The following CDC45 variants were observed in gnomAD, a reference collection of about 807,000 sequenced individuals.
CDC45 encodes the protein cell division control protein 45 homolog.
In CDC45, 54 loss-of-function variants were observed where a neutral mutation model predicts 77.8. The ratio of observed to expected loss-of-function variants is 0.69; its 90% CI spans 0.56 to 0.87. The LOEUF is 0.87. CDC45 is among the 40% of genes least tolerant of loss of function. The pLI is 0.00. For missense variants in CDC45, 649 were observed against 721.6 expected, an observed-to-expected ratio of 0.90 and a Z score of 1.15; for synonymous variants, 260 against 272.1, an observed-to-expected ratio of 0.96 and a Z score of 0.44.
intron 5 of CDC45, among the ~76,000 whole-genome samples, chr22:19,487,029 C>T (rs997654102): frequency 6.7e-6 from 1 of 149,666 alleles, no homozygotes; most frequent in Non-Finnish European, 1.5e-5. Context: ...TGTGGTGGCT[C>T]AAGCCTGTAA....
In CDC45 at chr22:19,479,936, A is replaced by T. The variant is rs757912076; in HGVS notation, c.-33A>T. 6.2e-7 allele frequency: 1 copy of T among 1,611,870 alleles called. No homozygotes were observed. Among genetic ancestry groups the T allele is most frequent in the Non-Finnish European group, 8.5e-7 (1 of 1,179,784 alleles). ...ACCGCCGCCGGGCTCTTGGTACCTC[A>T]GCGCGAGCGCCAGGCGTCCGGCCGC... On this transcript the variant is annotated 5_prime_UTR_variant, in exon 1 of 19. Coordinates refer to ENST00000263201, the MANE Select transcript of CDC45 (RefSeq NM_003504.5).
intron 5 of CDC45, among the ~76,000 whole-genome samples, chr22:19,493,725 G>T (rs561816718): frequency 6.6e-6 from 1 of 152,332 alleles, no homozygotes; most frequent in South Asian, 2.1e-4. Flanking sequence ...ACAGGCGTGA[G>T]CCACTGCGCC....
intron 8 of CDC45, among the ~76,000 whole-genome samples, chr22:19,497,966 G>A (rs1329546618): frequency 2.0e-5 from 3 of 151,856 alleles, no homozygotes; most frequent in East Asian, 1.9e-4. Context: ...TCAGGAATTC[G>A]AGACCAGCCT....
chr22:19,505,895 G>A (rs1933144468), intron 10 of CDC45, among the ~76,000 whole-genome samples: 1 of 152,186 alleles, frequency 6.6e-6, no homozygotes, highest in Admixed American at 6.5e-5. Context: ...CACAGTCTCA[G>A]CCACACTCAG....
intron 9 of CDC45, among the ~76,000 whole-genome samples, chr22:19,504,066 C>T (rs1414193683): frequency 6.6e-6 from 1 of 152,236 alleles, no homozygotes; most frequent in Non-Finnish European, 1.5e-5. Flanking sequence ...GAAGGCGCAC[C>T]AAGCCGCAGG....
chr22:19,507,075 C>T (rs989857748), intron 10 of CDC45, among the ~76,000 whole-genome samples: 6 of 152,204 alleles, frequency 3.9e-5, no homozygotes, highest in African/African-American at 1.4e-4. Context: ...TGGTGACGCC[C>T]AGCCTCCTAC....
chr22:19,484,942 T>TG (rs1406523585), intron 5 of CDC45, among the ~76,000 whole-genome samples: 8 of 151,810 alleles, frequency 5.3e-5, no homozygotes, highest in South Asian at 2.1e-4. Context: ...TTTTGTTTTT[T>TG]TTTTGTTTTT....
intron 13 of CDC45, 42 bp downstream of exon 13, chr22:19,508,733 G>A (rs1347314288): frequency 6.3e-7 from 1 of 1,598,558 alleles, no homozygotes; most frequent in East Asian, 2.2e-5. Context: ...GGCCACCACT[G>A]GTTCTCACAC....
intron 17 of CDC45, 74 bp downstream of exon 17, chr22:19,516,967 C>A: frequency 7.7e-7 from 1 of 1,300,748 alleles, no homozygotes; most frequent in Non-Finnish European, 1.1e-6. Context: ...TGGAACCAAG[C>A]AAGTTGGCAT....
intron 12 of CDC45, 129 bp downstream of exon 12, chr22:19,507,993 AC>A: frequency 1.6e-6 from 1 of 640,314 alleles, no homozygotes; most frequent in South Asian, 1.8e-5. Context: ...TGCAAAAAAA[AC>A]AACAACCCGA....
intron 13 of CDC45, among the ~76,000 whole-genome samples, chr22:19,510,901 G>A (rs867244636): frequency 6.6e-6 from 1 of 152,124 alleles, no homozygotes; most frequent in African/African-American, 2.4e-5. Flanking sequence ...TAAGTTGATG[G>A]GCATGTGGTT....
intron 13 of CDC45, among the ~76,000 whole-genome samples, chr22:19,513,105 A>G (rs1188429665): frequency 6.6e-6 from 1 of 152,218 alleles, no homozygotes; most frequent in African/African-American, 2.4e-5. Context: ...GTCTGCACCC[A>G]TGACCCAACA....
chr22:19,508,103 A>G (rs1017700473), intron 12 of CDC45, among the ~76,000 whole-genome samples: 1 of 152,084 alleles, frequency 6.6e-6, no homozygotes, highest in African/African-American at 2.4e-5. Context: ...GAGGTTTAGG[A>G]TCCTAGGATC....
chr22:19,515,015 C>T lies in CDC45; in HGVS notation c.1407C>T (p.Leu469=). The change falls in exon 15 of 19, where the codon CTC becomes CTT. Residue 469 remains leucine, a synonymous_variant. Transcript: ENST00000263201. ...CTAGGCCGGCATCCCTAAGCCTGCT[C>T]AGCAAACACCTGCTCAAGTCCTTTG... The part of the protein sequence containing the change: ...LFSRPASLSL[L]SKHLLKSFVC... 1 of 1,613,234 alleles carries T rather than the reference C, an allele frequency of 6.2e-7. No homozygotes were observed. Among genetic ancestry groups the T allele is most frequent in the Non-Finnish European group, 8.5e-7 (1 of 1,179,386 alleles).
rs116978927 is a variant in CDC45 at position 19,496,359 on chromosome 22, C to T, written c.591+330C>T. On this transcript the variant is annotated intron_variant, in intron 7 of 18. Transcript: ENST00000263201. ...CCAGTCTCTGTGCGAGAAGATAAAA[C>T]GCTATAGACTTATAATGGCCCATCA... 3.6e-3 allele frequency among the ~76,000 whole-genome samples: 542 copies of T among 152,296 alleles called. 19 individuals carry two copies. In the East Asian group the frequency reaches 0.069, roughly 19 times the overall value.
chr22:19,481,195 T>C (rs2089976685), intron 3 of CDC45, 150 bp downstream of exon 3: 2 of 548,618 alleles, frequency 3.6e-6, no homozygotes, highest in Non-Finnish European at 6.4e-6. Flanking sequence ...TATTTACTGG[T>C]GACTTACCAC....
chr22:19,494,494 A>G, intron 6 of CDC45, 112 bp downstream of exon 6: 2 of 1,556,664 alleles, frequency 1.3e-6, no homozygotes, highest in South Asian at 1.2e-5. Flanking sequence ...TGAGTTTAGA[A>G]CCTTTGGGCC....
intron 13 of CDC45, among the ~76,000 whole-genome samples, chr22:19,510,779 G>A (rs1475021904): frequency 6.6e-6 from 1 of 151,664 alleles, no homozygotes; most frequent in African/African-American, 2.4e-5. Flanking sequence ...CACCTGCCTC[G>A]GCCTCCCAAA....
chr22:19,491,027 CT>C (rs1341554648), intron 5 of CDC45, among the ~76,000 whole-genome samples: 1 of 151,276 alleles, frequency 6.6e-6, no homozygotes, highest in East Asian at 2.0e-4. Flanking sequence ...GGTTTTCACT[CT>C]GTTGGCCAGG....
Sources: allele counts gnomAD v4.1 joint callset (sites outside exome capture counted in the v4.1 genomes callset), GRCh38; gene constraint gnomAD v4.1.1; transcripts MANE v1.5; gene names NCBI Gene and HGNC (gene_info 2026-07-23, HGNC 2026-07-21).